Variants in GLIS3 observed in about 807,000 individuals in gnomAD.
GLIS3 encodes the protein zinc finger protein GLIS3.
GLIS3 carries 53 observed loss-of-function variants against 78.6 expected under a neutral mutation model. The observed-to-expected ratio is 0.67, with a 90% CI of 0.54 to 0.85. The LOEUF is 0.85. Ranked by LOEUF, GLIS3 falls within the 40% of genes least tolerant of loss-of-function variation. The pLI is 0.00. For missense variants in GLIS3, 1,703 were observed against 1,231.1 expected (o/e 1.38, Z -5.74); for synonymous variants, 684 against 509.9 (o/e 1.34, Z -4.60).
the GLIS3 span, among the ~76,000 whole-genome samples, chr9:4,385,203 G>C: frequency 6.6e-6 from 1 of 152,118 alleles, no homozygotes; most frequent in African/African-American, 2.4e-5. Flanking sequence ...CATTCCCTTC[G>C]ATTTCCCACA....
At chr9:4,321,461 A>AAAAAAAAAAAAAAAAAAAAAAT (rs1563932116) in intron 2 of GLIS3, among the ~76,000 whole-genome samples, 1 of 140,920 alleles carries the variant, frequency 7.1e-6, no homozygotes, top group African/African-American at 2.7e-5. Context: ...AAAAAAAAAA[A>AAAAAAAAAAAAAAAAAAAAAAT]AATCAGGTGC....
rs79450160 is a variant in GLIS3, at chr9:3,925,539, T to C, written c.1983+6821A>G. The stretch of plus-strand genomic sequence containing the variant: ...CTCCAGGTACTCTAGTTTCCTCTCA[T>C]GTACCAAAGATGTTACCATTAGGTG... On this transcript the variant is annotated intron_variant, in intron 6 of 10. Coordinates refer to ENST00000381971, the MANE Select transcript of GLIS3 (RefSeq NM_001042413.2). 8.2e-3 allele frequency among the ~76,000 whole-genome samples: 1,254 copies of C among 152,326 alleles called. 16 individuals are homozygous for C. The highest frequency in any genetic ancestry group is 0.029 in the African/African-American group (1,189 of 41,580).
At chr9:4,070,997 C>A (rs556029201) in intron 4 of GLIS3, 1 of 152,338 alleles carries the variant, frequency 6.6e-6, no homozygotes, top group East Asian at 1.9e-4. Context: ...CCTTTCACCA[C>A]TGAAGTCTTT....
chr9:4,407,143 A>G, the GLIS3 span, among the ~76,000 whole-genome samples: 2 of 152,204 alleles, frequency 1.3e-5, no homozygotes, highest in African/African-American at 2.4e-5. Flanking sequence ...AAATCCACCC[A>G]TCTACAGTAA....
chr9:4,273,590 CATAAATAAATAAATAAATAAATAAATAA>C (rs60374376), intron 2 of GLIS3, among the ~76,000 whole-genome samples: 34 of 144,082 alleles, frequency 2.4e-4, no homozygotes, highest in South Asian at 9.0e-4. Context: ...AAGACCTTAT[CATAAATAAATAAATAAATAAATAAATAA>C]ATAAATAAAT....
chr9:4,133,675 T>A (rs77056284), intron 2 of GLIS3, among the ~76,000 whole-genome samples: 1 of 152,188 alleles, frequency 6.6e-6, no homozygotes, highest in Non-Finnish European at 1.5e-5. Context: ...ATATATGTAA[T>A]AGGGCCTGGC....
At chr9:4,023,326 T>C (rs952604142) in intron 4 of GLIS3, among the ~76,000 whole-genome samples, 1 of 152,152 alleles carries the variant, frequency 6.6e-6, no homozygotes, top group African/African-American at 2.4e-5. Context: ...AGGGAAAGTA[T>C]TCAGAAAATT....
chr9:4,299,906 A>C lies in GLIS3; in HGVS notation c.-584T>G, dbSNP rs1587366444. ...ACCCTGGACGGCGCGGACGGCGTAC[A>C]GGGGGTCCCGGGAGGGGCAGTGGCC... On this transcript the variant is annotated 5_prime_UTR_variant, in exon 1 of 11. Coordinates refer to ENST00000381971, the MANE Select transcript of GLIS3 (RefSeq NM_001042413.2). 1 of 151,994 alleles carries C rather than the reference A, an allele frequency of 6.6e-6. No individual in the cohort carries two copies. The allele number at this position is 151,994 out of a possible 1,614,324, so 9.4% of individuals were successfully genotyped here. A position where few individuals can be genotyped will look rare whatever the true frequency, so the allele number is the denominator to read the frequency against.
intron 4 of GLIS3, among the ~76,000 whole-genome samples, chr9:4,012,750 C>CT (rs910453258): frequency 1.3e-4 from 14 of 105,388 alleles, no homozygotes; most frequent in African/African-American, 2.0e-4. Flanking sequence ...TCTCTGGTTT[C>CT]TTTTTTTTCT....
At chr9:4,219,785 G>T (rs1821160657) in intron 2 of GLIS3, among the ~76,000 whole-genome samples, 1 of 152,304 alleles carries the variant, frequency 6.6e-6, no homozygotes, top group Non-Finnish European at 1.5e-5. Context: ...CGTGCAGCAG[G>T]TCCACGCAGA....
At chr9:3,995,901 G>C (rs1195693503) in intron 4 of GLIS3, among the ~76,000 whole-genome samples, 3 of 151,966 alleles carry the variant, frequency 2.0e-5, no homozygotes, top group Non-Finnish European at 4.4e-5. Context: ...TTTTGAAAAA[G>C]AATGAATAAG....
At chr9:4,376,482 A>T in the GLIS3 span, among the ~76,000 whole-genome samples, 1 of 78,350 alleles carries the variant, frequency 1.3e-5, no homozygotes, top group Non-Finnish European at 3.2e-5. Flanking sequence ...ACATATTTCT[A>T]TTTATGTTTA....
intron 2 of GLIS3, among the ~76,000 whole-genome samples, chr9:4,228,544 G>T (rs1199523131): frequency 6.6e-6 from 1 of 152,122 alleles, no homozygotes; most frequent in South Asian, 2.1e-4. Context: ...TAAGTGTCTG[G>T]TCTCATTAGA....
intron 2 of GLIS3, among the ~76,000 whole-genome samples, chr9:4,265,249 T>C (rs1825886979): frequency 6.6e-6 from 1 of 151,852 alleles, no homozygotes. Flanking sequence ...TAGGAAAAGA[T>C]CTGGTTTACC....
chr9:4,228,674 C>T (rs915498680), intron 2 of GLIS3, among the ~76,000 whole-genome samples: 4 of 152,146 alleles, frequency 2.6e-5, no homozygotes, highest in Non-Finnish European at 5.9e-5. Flanking sequence ...GCCTCTAGGC[C>T]TTCAGGTAAA....
intron 1 of GLIS3, among the ~76,000 whole-genome samples, chr9:4,297,319 T>A (rs556464861): frequency 6.6e-6 from 1 of 152,154 alleles, no homozygotes; most frequent in South Asian, 2.1e-4. Context: ...CTGAGAACTT[T>A]AAGGGTCTGC....
At chr9:4,150,966 G>A (rs1834630548) in intron 2 of GLIS3, 1 of 152,136 alleles carries the variant, frequency 6.6e-6, no homozygotes, top group African/African-American at 2.4e-5. Flanking sequence ...AATGTCTTTT[G>A]CCTTCAAAAT....
At chr9:4,415,567 T>C in the GLIS3 span, among the ~76,000 whole-genome samples, 3 of 152,180 alleles carry the variant, frequency 2.0e-5, no homozygotes, top group East Asian at 5.8e-4. Flanking sequence ...ACTTCTCCCA[T>C]ACACAAATGA....
At chr9:4,373,364 G>C in the GLIS3 span, among the ~76,000 whole-genome samples, 71,049 of 151,990 alleles carry the variant, frequency 0.47, 19,458 homozygotes, top group East Asian at 0.62. Flanking sequence ...AAGATTCACT[G>C]AAGAACTACT....
Sources: gnomAD v4.1 joint callset for allele counts (sites outside exome capture counted in the v4.1 genomes callset) on GRCh38, gnomAD v4.1.1 for gene constraint, MANE v1.5 for transcripts, NCBI Gene and HGNC (gene_info 2026-07-23, HGNC 2026-07-21) for gene names.